Variants in PCDHGA4 observed in about 807,000 individuals in gnomAD.
PCDHGA4 encodes protocadherin gamma-A4.
PCDHGA4 carries 38 observed loss-of-function variants against 54.6 expected under a neutral mutation model. The observed-to-expected ratio is 0.70, with a 90% CI of 0.54 to 0.91. The LOEUF is 0.91. Ranked by LOEUF, PCDHGA4 falls within the 40% of genes least tolerant of loss-of-function variation. PCDHGA4 has a pLI of 0.00. For synonymous variants in PCDHGA4, 511 were observed against 512.9 expected (o/e 1.00, Z 0.05); for missense variants, 1,298 against 1,220.9 (o/e 1.06, Z -0.94).
intron 1 of PCDHGA4, chr5:141,375,011 G>A (rs1035429416): frequency 1.2e-6 from 2 of 1,614,028 alleles, no homozygotes; most frequent in African/African-American, 1.3e-5. Context: ...TCTAGACTAT[G>A]AGGACTCGAG....
chr5:141,417,947 T>A (rs958624664), intron 1 of PCDHGA4: 53 of 1,613,420 alleles, frequency 3.3e-5, no homozygotes, highest in Middle Eastern at 1.7e-4. Context: ...CCCCACGCTG[T>A]GTGAGCCGAT....
intron 1 of PCDHGA4, chr5:141,385,331 C>T (rs1235160402): frequency 6.3e-7 from 1 of 1,585,046 alleles, no homozygotes; most frequent in African/African-American, 1.4e-5. Flanking sequence ...CAGGTGAGCC[C>T]AGCCCTTCCT....
Position 141,393,006 on chromosome 5 carries a change from C to T in PCDHGA4, c.2514+35385C>T, listed in dbSNP as rs182052960. On this transcript the variant is annotated intron_variant, in intron 1 of 3. Coordinates refer to ENST00000571252, the MANE Select transcript of PCDHGA4 (RefSeq NM_018917.4). ...CCGGAAGCTGGCGAAGCACGGAGTC[C>T]GTATCGTCTCCAGAGGTAGGACGCA... is the stretch of plus-strand genomic sequence containing the variant. 3.5e-3 allele frequency: 5,649 copies of T among 1,613,866 alleles called. 26 individuals are homozygous for T. The highest frequency in any genetic ancestry group is 4.1e-3 in the Non-Finnish European group (4,855 of 1,179,884).
Position 141,490,754 on chromosome 5 carries a change from CCTT to C in PCDHGA4, c.2515-4052_2515-4050del, listed in dbSNP as rs775582875. ...CAGGTTCAGGGAGCCCCAGCCTCCT[CCTT>C]TGTGTATGTCAACCCAGAGGATGGA... On this transcript the variant is annotated intron_variant, in intron 1 of 3. Transcript: ENST00000571252. The surrounding 1 kb of genome is among the most constrained non-coding windows in gnomAD (Gnocchi z 5.4). 3.1e-6 allele frequency: 5 copies of C among 1,614,200 alleles called. No individual in the cohort carries two copies. The highest frequency in any genetic ancestry group is 3.4e-6 in the Non-Finnish European group (4 of 1,180,038).
chr5:141,384,410 A>G, intron 1 of PCDHGA4: 1 of 1,613,844 alleles, frequency 6.2e-7, no homozygotes, highest in Non-Finnish European at 8.5e-7. Flanking sequence ...GTGTCCTCCT[A>G]TGTCTCCATA....
At chr5:141,447,275 G>C (rs2098532748) in intron 1 of PCDHGA4, among the ~76,000 whole-genome samples, 1 of 152,154 alleles carries the variant, frequency 6.6e-6, no homozygotes, top group African/African-American at 2.4e-5. Flanking sequence ...AAGTAGCTGG[G>C]ACTACAGGCA....
Position 141,487,070 on chromosome 5 carries a change from C to A in PCDHGA4, c.2515-7737C>A, listed in dbSNP as rs1365482479. The A allele has an allele frequency of 6.2e-7, 1 of 1,614,036 alleles. No individual in the cohort carries two copies. The highest frequency in any genetic ancestry group is 8.5e-7 in the Non-Finnish European group (1 of 1,180,016). ...TGCTGGGGAGGTGCGGACGGCTGTT[C>A]CTATCCCAGCTGACCTCCCACCACA... is the stretch of plus-strand genomic sequence containing the variant. On this transcript the variant is annotated intron_variant, in intron 1 of 3. Coordinates refer to ENST00000571252, the MANE Select transcript of PCDHGA4 (RefSeq NM_018917.4). The surrounding 1 kb of genome is among the most constrained non-coding windows in gnomAD (Gnocchi z 5.0).
chr5:141,388,818 G>T, intron 1 of PCDHGA4: 2 of 1,613,928 alleles, frequency 1.2e-6, no homozygotes, highest in Non-Finnish European at 1.7e-6. Context: ...AGAAGTCAAA[G>T]AATATTCCAT....
chr5:141,395,716 T>C (rs2093303538), intron 1 of PCDHGA4: 1 of 154,332 alleles, frequency 6.5e-6, no homozygotes, highest in Non-Finnish European at 1.4e-5. Context: ...AACTAGGCTC[T>C]TGTAGATTTC....
At chr5:141,366,280 C>T (rs1764463733) in intron 1 of PCDHGA4, 1 of 1,613,692 alleles carries the variant, frequency 6.2e-7, no homozygotes, top group African/African-American at 1.3e-5. Context: ...AAGACCATGG[C>T]CAGCCCCCTC....
chr5:141,511,391 C>G lies in PCDHGA4; in HGVS notation c.*218C>G. ...TGCAAAAGCAGTTCCGCTGGGAACC[C>G]CCATCCAATCAACTGCTGTACCCAT... is the stretch of plus-strand genomic sequence containing the variant. On this transcript the variant is annotated 3_prime_UTR_variant, in exon 4 of 4. Coordinates refer to ENST00000571252, the MANE Select transcript of PCDHGA4 (RefSeq NM_018917.4). 2.8e-6 allele frequency: 3 copies of G among 1,079,748 alleles called. No homozygotes were observed. The highest frequency in any genetic ancestry group is 3.3e-5 in the South Asian group (2 of 60,136). The allele number at this position is 1,079,748 out of a possible 1,614,324, so 66.9% of individuals were successfully genotyped here. A position where few individuals can be genotyped will look rare whatever the true frequency, so the allele number is the denominator to read the frequency against.
intron 1 of PCDHGA4, chr5:141,361,341 C>T (rs1561523324): frequency 6.2e-7 from 1 of 1,613,988 alleles, no homozygotes; most frequent in Non-Finnish European, 8.5e-7. Context: ...AGAACTATTA[C>T]AAACTAGTGA....
chr5:141,512,702 C>T lies in PCDHGA4; in HGVS notation c.*1529C>T, dbSNP rs940927635. 2.0e-5 allele frequency: 3 copies of T among 152,828 alleles called. No homozygotes were observed. Among genetic ancestry groups the T allele is most frequent in the Non-Finnish European group, 2.9e-5 (2 of 68,560 alleles). The allele number at this position is 152,828 out of a possible 1,614,324, so 9.5% of individuals were successfully genotyped here. ...ATAGCCAGTAGTGTAGTGCGGTGTG[C>T]TTTTACGTGATGGCGGGTGGGCAGC... On this transcript the variant is annotated 3_prime_UTR_variant, in exon 4 of 4. Transcript: ENST00000571252.
intron 1 of PCDHGA4, chr5:141,475,832 T>C: frequency 2.4e-6 from 1 of 410,610 alleles, no homozygotes; most frequent in Non-Finnish European, 4.4e-6. Flanking sequence ...CTAGCGCGTG[T>C]CCTGCTCAGA....
chr5:141,439,416 G>T (rs1169961917), intron 1 of PCDHGA4, among the ~76,000 whole-genome samples: 3 of 152,156 alleles, frequency 2.0e-5, no homozygotes, highest in African/African-American at 7.2e-5. Flanking sequence ...CATCACTGAG[G>T]TTATAAATTC....
chr5:141,389,767 G>A (rs2091900481), intron 1 of PCDHGA4: 1 of 1,613,028 alleles, frequency 6.2e-7, no homozygotes, highest in Non-Finnish European at 8.5e-7. Flanking sequence ...CGCACAGCGC[G>A]TGCCTTAGGC....
intron 1 of PCDHGA4, chr5:141,420,411 T>C: frequency 8.1e-7 from 1 of 1,229,398 alleles, no homozygotes; most frequent in Non-Finnish European, 1.1e-6. Context: ...ATGGTTATCA[T>C]TATTAAAACA....
chr5:141,363,901 T>C (rs1190403839), intron 1 of PCDHGA4, among the ~76,000 whole-genome samples: 2 of 152,240 alleles, frequency 1.3e-5, no homozygotes, highest in African/African-American at 4.8e-5. Context: ...CGATGACGCA[T>C]TAAATAAAAT....
At chr5:141,404,642 T>C in intron 1 of PCDHGA4, 20 of 1,614,190 alleles carry the variant, frequency 1.2e-5, no homozygotes, top group Non-Finnish European at 1.7e-5. Flanking sequence ...AGAAATCCTG[T>C]ACCCTGCCCT....
Sources: gnomAD v4.1 joint callset for allele counts (sites outside exome capture counted in the v4.1 genomes callset) on GRCh38, gnomAD v4.1.1 for gene constraint, Gnocchi (gnomAD v3.1) non-coding constraint, MANE v1.5 for transcripts, NCBI Gene and HGNC (gene_info 2026-07-23, HGNC 2026-07-21) for gene names.